Variants in MYT1L observed in about 807,000 individuals in gnomAD.
The protein encoded by MYT1L is myelin transcription factor 1 like, also known as myelin transcription factor 1-like protein.
MYT1L carries 12 observed loss-of-function variants against 126.7 expected under a neutral mutation model. That is an observed-to-expected ratio of 0.09 (90% CI 0.06 to 0.15). The LOEUF (loss-of-function observed/expected upper bound fraction) is 0.15, where lower values mean the gene tolerates loss of function less well. Among genes scored for constraint, MYT1L ranks in the 10% least tolerant of loss-of-function variants. The pLI, the probability that MYT1L is intolerant of heterozygous loss-of-function variation, is 1.00. For synonymous variants in MYT1L, 541 were observed against 604.2 expected (o/e 0.90, Z 1.53); for missense variants, 979 against 1,585.2 (o/e 0.62, Z 6.49).
At chr2:1,916,636 T>C (rs578118739) in intron 11 of MYT1L, among the ~76,000 whole-genome samples, 1 of 152,342 alleles carries the variant, frequency 6.6e-6, no homozygotes, top group African/African-American at 2.4e-5. Context: ...ATGCTTAAGA[T>C]CAAAACCCAT....
At chr2:2,140,854 C>A (rs2083870687) in intron 3 of MYT1L, among the ~76,000 whole-genome samples, 1 of 152,222 alleles carries the variant, frequency 6.6e-6, no homozygotes, top group Non-Finnish European at 1.5e-5. Context: ...TAGGCATGAG[C>A]CACTGCGCCT....
At chr2:1,865,360 G>A (rs2045321269) in intron 18 of MYT1L, among the ~76,000 whole-genome samples, 1 of 152,302 alleles carries the variant, frequency 6.6e-6, no homozygotes, top group African/African-American at 2.4e-5. Flanking sequence ...AGGCACTCAG[G>A]GGTGTGGCCA....
intron 2 of MYT1L, among the ~76,000 whole-genome samples, chr2:2,252,719 TAAAGG>T (rs1225204260): frequency 6.6e-6 from 1 of 152,118 alleles, no homozygotes; most frequent in African/African-American, 2.4e-5. Context: ...TCTCCAAGGC[TAAAGG>T]AAAGAGGCCA....
rs188551684 is a variant in MYT1L at position 2,207,758 on chromosome 2, C to G, written c.-420-34770G>C. Among the ~76,000 whole-genome samples, 57 of 152,170 alleles carry G rather than the reference C, an allele frequency of 3.7e-4. 1 individual carries two copies. Among genetic ancestry groups the G allele is most frequent in the East Asian group, 5.8e-4 (3 of 5,182 alleles). On this transcript the variant is annotated intron_variant, in intron 2 of 24. Coordinates refer to ENST00000647738, the MANE Select transcript of MYT1L (RefSeq NM_001303052.2). ...AAATACACAAATGCAGAAACTCACA[C>G]ATTTACACAAATCTTCTAAAGGATT...
intron 9 of MYT1L, among the ~76,000 whole-genome samples, chr2:1,941,131 CTTT>C (rs758625918): frequency 6.6e-6 from 1 of 152,192 alleles, no homozygotes; most frequent in Non-Finnish European, 1.5e-5. Context: ...AAGTACATCA[CTTT>C]TTATTTTTAA....
At chr2:2,214,361 A>T (rs1166972621) in intron 2 of MYT1L, among the ~76,000 whole-genome samples, 5 of 152,088 alleles carry the variant, frequency 3.3e-5, no homozygotes. Flanking sequence ...AAACCCACGG[A>T]TCTAAAATAA....
At chr2:2,158,796 T>C (rs564318646) in intron 3 of MYT1L, among the ~76,000 whole-genome samples, 2 of 152,146 alleles carry the variant, frequency 1.3e-5, no homozygotes, top group South Asian at 4.1e-4. Context: ...CAATGGTCTA[T>C]GATGACACGT....
rs972259905 is a variant in MYT1L at position 2,074,166 on chromosome 2, G to C, written c.-303-20043C>G. ...GGTTTATTAGAAAACTTTTCTATGG[G>C]CAGTGATAGAGAAATTTCTACCTTC... is the stretch of plus-strand genomic sequence containing the variant. On this transcript the variant is annotated intron_variant, in intron 3 of 24. Coordinates refer to ENST00000647738, the MANE Select transcript of MYT1L (RefSeq NM_001303052.2). Among the ~76,000 whole-genome samples, 11 of 152,198 alleles carry C rather than the reference G, an allele frequency of 7.2e-5. No homozygotes were observed. The East Asian group carries it at 1.5e-3, about 21-fold the overall frequency.
intron 3 of MYT1L, among the ~76,000 whole-genome samples, chr2:2,164,912 T>C (rs2148467111): frequency 6.6e-6 from 1 of 152,266 alleles, no homozygotes. Flanking sequence ...CAATGCACTG[T>C]GACAGAAGGA....
chr2:2,215,011 A>G (rs905720375), intron 2 of MYT1L, among the ~76,000 whole-genome samples: 7 of 152,192 alleles, frequency 4.6e-5, no homozygotes, highest in Non-Finnish European at 7.4e-5. Context: ...ACTTAATGGT[A>G]AAAAATTAAA....
chr2:2,106,131 G>A (rs1322922579), intron 3 of MYT1L, among the ~76,000 whole-genome samples: 5 of 152,136 alleles, frequency 3.3e-5, no homozygotes, highest in South Asian at 2.1e-4. Context: ...TGGCTCACCC[G>A]GGATCGGACG....
intron 2 of MYT1L, among the ~76,000 whole-genome samples, chr2:2,218,657 A>G (rs1402363408): frequency 1.3e-5 from 2 of 152,200 alleles, no homozygotes; most frequent in East Asian, 3.9e-4. Context: ...GGGGATCTAC[A>G]CACATCACAA....
intron 18 of MYT1L, among the ~76,000 whole-genome samples, chr2:1,864,769 A>G (rs1277506128): frequency 6.6e-6 from 1 of 152,114 alleles, no homozygotes; most frequent in Admixed American, 6.5e-5. Context: ...CCCCTGCTTG[A>G]AGCCTCCTCA....
At chr2:2,323,050 T>C (rs762516808) in intron 1 of MYT1L, among the ~76,000 whole-genome samples, 17 of 152,310 alleles carry the variant, frequency 1.1e-4, no homozygotes, top group Non-Finnish European at 1.2e-4. Flanking sequence ...TTACCTATTA[T>C]GCAGAAAAAG....
chr2:1,846,806 C>G (rs1173151360), intron 19 of MYT1L, among the ~76,000 whole-genome samples: 2 of 152,200 alleles, frequency 1.3e-5, no homozygotes, highest in Non-Finnish European at 2.9e-5. Flanking sequence ...TGTGTGAGGG[C>G]AGATACTGAC....
intron 2 of MYT1L, among the ~76,000 whole-genome samples, chr2:2,187,624 G>C (rs908421486): frequency 6.6e-6 from 1 of 151,904 alleles, no homozygotes; most frequent in African/African-American, 2.4e-5. Flanking sequence ...TTTTAGAAGG[G>C]AGGGAGGGAC....
At chr2:1,901,789 A>C (rs984468245) in intron 14 of MYT1L, among the ~76,000 whole-genome samples, 4 of 152,180 alleles carry the variant, frequency 2.6e-5, no homozygotes, top group African/African-American at 9.7e-5. Flanking sequence ...CAATATGAGC[A>C]GCTGGGATTA....
chr2:2,130,643 G>T (rs555774229), intron 3 of MYT1L, among the ~76,000 whole-genome samples: 40 of 152,230 alleles, frequency 2.6e-4, no homozygotes, highest in Non-Finnish European at 2.9e-5. Context: ...ACCCAGAGAG[G>T]CGTCTGTATA....
intron 21 of MYT1L, among the ~76,000 whole-genome samples, chr2:1,836,739 C>T (rs2040957195): frequency 6.6e-6 from 1 of 151,806 alleles, no homozygotes; most frequent in South Asian, 2.1e-4. Flanking sequence ...AGCCTGCATC[C>T]CAAAATTCCA....
Sources: allele counts gnomAD v4.1 joint callset (sites outside exome capture counted in the v4.1 genomes callset), GRCh38; gene constraint gnomAD v4.1.1; transcripts MANE v1.5; gene names NCBI Gene and HGNC (gene_info 2026-07-23, HGNC 2026-07-21).